The following HERPUD1 variants were observed in gnomAD, a reference collection of about 807,000 sequenced individuals.
The protein encoded by HERPUD1 is homocysteine-responsive endoplasmic reticulum-resident ubiquitin-like domain member 1 protein.
HERPUD1 carries 17 observed loss-of-function variants against 45.0 expected under a neutral mutation model. That is an observed-to-expected ratio of 0.38 (90% CI 0.26 to 0.57). HERPUD1 has a LOEUF of 0.57. Among genes scored for constraint, HERPUD1 ranks in the 20% least tolerant of loss-of-function variants. The pLI, the probability that HERPUD1 is intolerant of heterozygous loss-of-function variation, is 0.72. For synonymous variants in HERPUD1, 164 were observed against 177.5 expected (o/e 0.92, Z 0.61); for missense variants, 420 against 490.5 (o/e 0.86, Z 1.36).
chr16:56,939,594 G>A (rs1255880229), intron 5 of HERPUD1, among the ~76,000 whole-genome samples: 4 of 152,152 alleles, frequency 2.6e-5, no homozygotes, highest in African/African-American at 9.7e-5. Context: ...TTTAGAACAT[G>A]TTACTTTCTT....
rs1327480875 is a variant in HERPUD1, at chr16:56,932,365, C to T, written c.121C>T (p.Leu41=). 1.3e-6 allele frequency: 2 copies of T among 1,596,054 alleles called. No homozygotes were observed. The highest frequency in any genetic ancestry group is 1.3e-5 in the African/African-American group (1 of 74,644). ...GAGTGTGGGCCACCTCAAGGCCCAC[C>T]TGAGCCGCGTCTACCCCGAGCGTCC... The part of the protein sequence containing the change: ...GWSVGHLKAH[L]SRVYPERPRP... Residue 41 remains leucine, a synonymous_variant, in exon 1 of 8, where the codon CTG becomes TTG. Transcript: ENST00000439977.
rs928785253 is a variant in HERPUD1, at chr16:56,944,795, A to T, written c.*1505A>T. ...GGACTAATCTTTAAAGCAAAGTTTT[A>T]TATATTTTTACGTGAGTAATGTTAT... On this transcript the variant is annotated 3_prime_UTR_variant, in exon 8 of 8. Transcript: ENST00000439977. 2.0e-5 allele frequency: 3 copies of T among 152,156 alleles called. No individual in the cohort carries two copies. Among genetic ancestry groups the T allele is most frequent in the Non-Finnish European group, 4.4e-5 (3 of 68,026 alleles). The allele number at this position is 152,156 out of a possible 1,614,324, so 9.4% of individuals were successfully genotyped here. A position where few individuals can be genotyped will look rare whatever the true frequency, so the allele number is the denominator to read the frequency against.
At chr16:56,939,866 A>G (rs746536401) in intron 5 of HERPUD1, 29 bp from the exon 6 acceptor site, 11 of 1,563,906 alleles carry the variant, frequency 7.0e-6, no homozygotes, top group Admixed American at 5.1e-5. Flanking sequence ...TGGTCTCAAC[A>G]GTATCTGCCT....
At chr16:56,935,181 G>C in intron 1 of HERPUD1, 54 bp from the exon 2 acceptor site, 1 of 1,219,446 alleles carries the variant, frequency 8.2e-7, no homozygotes, top group East Asian at 2.3e-5. Flanking sequence ...TCTGTGTTTA[G>C]GAACTTGTAG....
In HERPUD1 at chr16:56,935,419, T is replaced by G. The variant is rs2055858994; in HGVS notation, c.244T>G (p.Leu82Val). The G allele has an allele frequency of 6.2e-7, 1 of 1,614,098 alleles. No individual in the cohort carries two copies. The highest frequency in any genetic ancestry group is 1.3e-5 in the African/African-American group (1 of 74,928). Residue 82 changes from leucine (L) to valine (V), a missense_variant, in exon 3 of 8, where the codon TTG (leucine) becomes GTG (valine). Physicochemically the swap from Leu to Val is conservative, Grantham distance 32. Coordinates refer to ENST00000439977, the MANE Select transcript of HERPUD1 (RefSeq NM_014685.4). ...CTTTTAGCAGGAAAAACGGCATGTT[T>G]TGCATCTGGTGTGCAATGTGAAGAG... is the stretch of plus-strand genomic sequence containing the variant. ...LLPKQEKRHV[L>V]HLVCNVKSPS...
chr16:56,937,562 C>G (rs1467439141), intron 4 of HERPUD1: 1 of 151,966 alleles, frequency 6.6e-6, no homozygotes, highest in Non-Finnish European at 1.5e-5. Context: ...CACCATCACC[C>G]AGGCCTAATA....
Position 56,944,025 on chromosome 16 carries a change from G to A in HERPUD1, c.*735G>A. On this transcript the variant is annotated 3_prime_UTR_variant, in exon 8 of 8. Coordinates refer to ENST00000439977, the MANE Select transcript of HERPUD1 (RefSeq NM_014685.4). ...GGTAAGAATGATCAGGTAAGGCCATGAAAGTTTTTGTTGGCGTTTTTGTTT... is the reference window on the plus strand; with the variant it reads ...GGTAAGAATGATCAGGTAAGGCCATAAAAGTTTTTGTTGGCGTTTTTGTTT... 6.1e-6 allele frequency: 1 copy of A among 163,262 alleles called. No homozygotes were observed. Among genetic ancestry groups the A allele is most frequent in the Non-Finnish European group, 1.3e-5 (1 of 74,500 alleles). 10.1% of individuals were successfully genotyped at this position (163,262 alleles called of 1,614,324 possible).
chr16:56,935,622 T>C (rs1596978008), intron 3 of HERPUD1, 147 bp downstream of exon 3: 1 of 676,096 alleles, frequency 1.5e-6, no homozygotes, highest in Non-Finnish European at 2.6e-6. Context: ...AATTAGAAAC[T>C]GTATTATCAA....
At chr16:56,934,586 T>C (rs2055850380) in intron 1 of HERPUD1, among the ~76,000 whole-genome samples, 1 of 152,098 alleles carries the variant, frequency 6.6e-6, no homozygotes, top group Admixed American at 6.5e-5. Flanking sequence ...CTGAGTTTTC[T>C]CTGAAACCAA....
Position 56,941,875 on chromosome 16 carries a change from A to G in HERPUD1, c.906-257A>G, listed in dbSNP as rs114049080. 5.3e-3 allele frequency: 1,832 copies of G among 346,588 alleles called. 40 individuals are homozygous for G. The highest frequency in any genetic ancestry group is 0.038 in the African/African-American group (1,655 of 43,442). 21.5% of individuals were successfully genotyped at this position (346,588 alleles called of 1,614,324 possible). A position where few individuals can be genotyped will look rare whatever the true frequency, so the allele number is the denominator to read the frequency against. On this transcript the variant is annotated intron_variant, in intron 6 of 7. Transcript: ENST00000439977. ...AAGGTTTAGTTCGTCATAAGCATTT[A>G]TTGAGTGCATACTATGTGCCAGGTG...
intron 3 of HERPUD1, 53 bp downstream of exon 3, chr16:56,935,528 G>A (rs2144817456): frequency 2.1e-6 from 3 of 1,439,818 alleles, no homozygotes; most frequent in Non-Finnish European, 2.9e-6. Flanking sequence ...GACTTTCAGG[G>A]GAGTAATAAA....
In HERPUD1 at chr16:56,939,940, T is replaced by G; in HGVS notation, c.600T>G (p.Ser200Arg). The G allele has an allele frequency of 1.2e-6, 2 of 1,614,002 alleles. No homozygotes were observed. Among genetic ancestry groups the G allele is most frequent in the Non-Finnish European group, 8.5e-7 (1 of 1,179,892 alleles). Reference protein sequence around the residue: ...AASGAFVPPPSAQEIPVVSAP... With the variant: ...AASGAFVPPPRAQEIPVVSAP... ...CAGGGGCTTTTGTTCCACCACCAAG[T>G]GCACAAGAGATACCTGTGGTCTCTG... The change falls in exon 6 of 8, where the codon AGT (serine) becomes AGG (arginine). Residue 200 changes from serine (S) to arginine (R), a missense_variant. By Grantham distance (110) the Ser-to-Arg change is moderately radical. Coordinates refer to ENST00000439977, the MANE Select transcript of HERPUD1 (RefSeq NM_014685.4).
At chr16:56,932,526 G>C in intron 1 of HERPUD1, 135 bp downstream of exon 1, 1 of 828,300 alleles carries the variant, frequency 1.2e-6, no homozygotes, top group Non-Finnish European at 1.8e-6. Flanking sequence ...CCTCCCCCAG[G>C]GCTGTGGTCT....
chr16:56,940,112 G>A lies in HERPUD1; in HGVS notation c.772G>A (p.Asp258Asn). ...AQGGPIVEED[D>N]EINRDWLDWT... ...AGGTGGCCCTATTGTGGAAGAAGAT[G>A]ATGAAATAAATCGAGATTGGTTGGA... is the stretch of plus-strand genomic sequence containing the variant. The change falls in exon 6 of 8, where the codon GAT becomes AAT. Residue 258 changes from aspartate to asparagine, a missense_variant. Asp to Asn is a conservative substitution (Grantham distance 23). Coordinates refer to ENST00000439977, the MANE Select transcript of HERPUD1 (RefSeq NM_014685.4). The A allele has an allele frequency of 6.2e-7, 1 of 1,614,218 alleles. No individual in the cohort carries two copies. The highest frequency in any genetic ancestry group is 8.5e-7 in the Non-Finnish European group (1 of 1,180,038).
Position 56,944,854 on chromosome 16 carries a change from C to T in HERPUD1, c.*1564C>T, listed in dbSNP as rs1349374163. 3 of 152,108 alleles carry T rather than the reference C, an allele frequency of 2.0e-5. No homozygotes were observed. The highest frequency in any genetic ancestry group is 6.5e-5 in the Admixed American group (1 of 15,270). The allele number at this position is 152,108 out of a possible 1,614,324, so 9.4% of individuals were successfully genotyped here. The stretch of plus-strand genomic sequence containing the variant: ...GTTCTATTTGGCAAAATAAATCAGC[C>T]TTTTCTATCATGATTGTGGTCATTT... On this transcript the variant is annotated 3_prime_UTR_variant, in exon 8 of 8. Transcript: ENST00000439977.
chr16:56,934,786 A>G (rs576154537), intron 1 of HERPUD1, among the ~76,000 whole-genome samples: 5 of 130,822 alleles, frequency 3.8e-5, no homozygotes, highest in African/African-American at 1.5e-4. Flanking sequence ...ATCTTGGCTC[A>G]CTGCAACCTC....
At position 56,935,399 on chromosome 16, in the gene HERPUD1, A is replaced by G. The variant is rs2055858762; in HGVS notation, c.226-2A>G. The G allele has an allele frequency of 6.2e-7, 1 of 1,614,140 alleles. No individual in the cohort carries two copies. Among genetic ancestry groups the G allele is most frequent in the Non-Finnish European group, 8.5e-7 (1 of 1,179,986 alleles). On this transcript the variant is annotated splice_acceptor_variant, in intron 2 of 7. Transcript: ENST00000439977. LOFTEE classifies it high-confidence loss of function. ...CCTTAAGTACCTTCGTATTACTTTT[A>G]GCAGGAAAAACGGCATGTTTTGCAT...
chr16:56,935,514 T>A (rs1416241102), intron 3 of HERPUD1, 39 bp downstream of exon 3: 19 of 1,511,442 alleles, frequency 1.3e-5, no homozygotes, highest in Non-Finnish European at 1.7e-5. Context: ...ATTTGTATCA[T>A]TCAGACTTTC....
chr16:56,933,062 A>C, intron 1 of HERPUD1: 2 of 313,670 alleles, frequency 6.4e-6, no homozygotes, highest in Non-Finnish European at 1.2e-5. Context: ...TTTGGTTGAC[A>C]CATCTGTCAA....
Sources: gnomAD v4.1 joint callset for allele counts (sites outside exome capture counted in the v4.1 genomes callset) on GRCh38, gnomAD v4.1.1 for gene constraint, MANE v1.5 for transcripts, NCBI Gene and HGNC (gene_info 2026-07-23, HGNC 2026-07-21) for gene names.